Variants in DAPK2 observed in about 807,000 individuals in gnomAD.
The protein encoded by DAPK2 is death-associated protein kinase 2.
In DAPK2, 35 loss-of-function variants were observed where a neutral mutation model predicts 44.1. The ratio of observed to expected loss-of-function variants is 0.79; its 90% CI spans 0.61 to 1.05. DAPK2 has a LOEUF of 1.05. Ranked by LOEUF, DAPK2 falls within the 50% of genes least tolerant of loss-of-function variation. The pLI, the probability that DAPK2 is intolerant of heterozygous loss-of-function variation, is 0.00. For missense variants in DAPK2, 453 were observed against 483.2 expected (o/e 0.94, Z 0.59); for synonymous variants, 174 against 182.6 (o/e 0.95, Z 0.38).
intron 4 of DAPK2, 128 bp from the exon 6 acceptor site, chr15:63,930,583 A>G (rs1476706660): frequency 6.0e-6 from 5 of 835,294 alleles, no homozygotes; most frequent in Non-Finnish European, 7.9e-6. Context: ...AGAGCAGCAG[A>G]TAAAGGTGAT....
intron 1 of DAPK2, among the ~76,000 whole-genome samples, chr15:64,038,999 T>TA (rs1389343774): frequency 6.6e-6 from 1 of 152,158 alleles, no homozygotes; most frequent in African/African-American, 2.4e-5. Context: ...GGAAGCCCCC[T>TA]CCCCATTAGA....
chr15:64,017,971 G>C (rs332287), intron 1 of DAPK2, among the ~76,000 whole-genome samples: 125,585 of 152,134 alleles, frequency 0.83, 52,131 homozygotes, highest in East Asian at 0.92. Flanking sequence ...AATATTCAAG[G>C]CACGACTCTA....
chr15:63,956,592 T>TTA (rs1379932054), intron 3 of DAPK2, among the ~76,000 whole-genome samples: 2 of 147,134 alleles, frequency 1.4e-5, no homozygotes, highest in Non-Finnish European at 1.5e-5. Context: ...CAATTTAAAT[T>TTA]TTTTTTTTTT....
At chr15:63,994,719 A>G (rs775445900) in intron 1 of DAPK2, among the ~76,000 whole-genome samples, 1 of 151,028 alleles carries the variant, frequency 6.6e-6, no homozygotes, top group Non-Finnish European at 1.5e-5. Context: ...CCTCCTGAGT[A>G]GCTGGGATTA....
chr15:63,945,813 C>G (rs1030518737), intron 3 of DAPK2, among the ~76,000 whole-genome samples: 5 of 152,206 alleles, frequency 3.3e-5, no homozygotes, highest in Admixed American at 1.3e-4. Flanking sequence ...ACCTCCCAAG[C>G]TGGCTGTGAA....
chr15:63,948,191 A>G (rs974640745), intron 3 of DAPK2, among the ~76,000 whole-genome samples: 2 of 138,632 alleles, frequency 1.4e-5, no homozygotes, highest in African/African-American at 5.3e-5. Flanking sequence ...GAATCGCTTG[A>G]ACCTGGGAGG....
At chr15:63,983,624 C>G in exon 2 of DAPK2, 1 of 1,614,198 alleles carries the variant, frequency 6.2e-7, no homozygotes, top group Non-Finnish European at 8.5e-7. Context: ...AGGATGCTCA[C>G]CTCCCGCTCG....
intron 7 of DAPK2, 58 bp from the exon 9 acceptor site, chr15:63,924,919 A>G: frequency 6.3e-7 from 1 of 1,582,856 alleles, no homozygotes. Flanking sequence ...GGGAGCAACC[A>G]TCTCCGTTCT....
At chr15:63,950,666 G>A (rs913418515) in intron 3 of DAPK2, among the ~76,000 whole-genome samples, 2 of 152,120 alleles carry the variant, frequency 1.3e-5, no homozygotes, top group Non-Finnish European at 2.9e-5. Context: ...GTTAGAATCT[G>A]GTAAAATAAA....
chr15:63,925,902 T>A, intron 7 of DAPK2, 39 bp downstream of exon 8: 1 of 1,613,516 alleles, frequency 6.2e-7, no homozygotes, highest in Non-Finnish European at 8.5e-7. Context: ...CAGGAAGGGA[T>A]CAGTACCTGA....
intron 1 of DAPK2, among the ~76,000 whole-genome samples, chr15:64,026,971 A>G (rs1346692164): frequency 1.3e-5 from 2 of 152,158 alleles, no homozygotes; most frequent in Admixed American, 6.5e-5. Context: ...TGACTTACAT[A>G]GTGGCTCACC....
intron 8 of DAPK2, among the ~76,000 whole-genome samples, chr15:63,913,157 C>T (rs562409479): frequency 6.6e-6 from 1 of 152,150 alleles, no homozygotes; most frequent in African/African-American, 2.4e-5. Context: ...ACAGACATAT[C>T]CGTAGAAACA....
intron 1 of DAPK2, among the ~76,000 whole-genome samples, chr15:64,001,835 T>TA (rs998201547): frequency 6.6e-6 from 1 of 152,224 alleles, no homozygotes; most frequent in Admixed American, 6.5e-5. Flanking sequence ...TAGAAAATAT[T>TA]ACGGCAAGGC....
chr15:63,962,586 GC>G (rs2077938280), intron 3 of DAPK2, among the ~76,000 whole-genome samples: 1 of 152,234 alleles, frequency 6.6e-6, no homozygotes, highest in Non-Finnish European at 1.5e-5. Context: ...ACCTTCAGCT[GC>G]AAGTCTGTTG....
intron 1 of DAPK2, among the ~76,000 whole-genome samples, chr15:63,994,891 G>T (rs2078912983): frequency 6.6e-6 from 1 of 151,724 alleles, no homozygotes; most frequent in Non-Finnish European, 1.5e-5. Flanking sequence ...TGCCTGGCCT[G>T]TTTTTTTCAT....
At chr15:63,973,909 A>G (rs1359421009) in intron 2 of DAPK2, among the ~76,000 whole-genome samples, 3 of 152,156 alleles carry the variant, frequency 2.0e-5, no homozygotes, top group Non-Finnish European at 4.4e-5. Context: ...CATTACCTAC[A>G]AAAGAAGCAG....
intron 3 of DAPK2, among the ~76,000 whole-genome samples, chr15:63,951,813 G>C (rs1055802890): frequency 2.0e-5 from 3 of 152,334 alleles, no homozygotes; most frequent in Non-Finnish European, 2.9e-5. Context: ...CCATCCGTGT[G>C]TGTGCCTGGT....
chr15:64,006,589 C>G (rs916164929), intron 1 of DAPK2, among the ~76,000 whole-genome samples: 7 of 152,152 alleles, frequency 4.6e-5, no homozygotes, highest in Non-Finnish European at 8.8e-5. Context: ...TACAATAAAA[C>G]TTGGCAAACC....
chr15:63,948,911 C>T (rs925213239), intron 3 of DAPK2, among the ~76,000 whole-genome samples: 5 of 152,140 alleles, frequency 3.3e-5, no homozygotes, highest in African/African-American at 1.2e-4. Flanking sequence ...CACAAGAGAT[C>T]GTTTGCCCAC....
Sources: gnomAD v4.1 joint callset for allele counts (sites outside exome capture counted in the v4.1 genomes callset) on GRCh38, gnomAD v4.1.1 for gene constraint, MANE v1.5 for transcripts, NCBI Gene and HGNC (gene_info 2026-07-23, HGNC 2026-07-21) for gene names.